The following FNDC3A variants were observed in gnomAD, a reference collection of about 807,000 sequenced individuals.
The protein encoded by FNDC3A is fibronectin type-III domain-containing protein 3A.
FNDC3A carries 32 observed loss-of-function variants against 148.9 expected under a neutral mutation model. That is an observed-to-expected ratio of 0.21 (90% CI 0.16 to 0.29). FNDC3A has a LOEUF of 0.29. FNDC3A is among the 10% of genes least tolerant of loss of function. FNDC3A has a pLI of 1.00. For missense variants in FNDC3A, 1,191 were observed against 1,452.8 expected, an observed-to-expected ratio of 0.82 and a Z score of 2.93; for synonymous variants, 472 against 473.6, an observed-to-expected ratio of 1.00 and a Z score of 0.04.
intron 8 of FNDC3A, among the ~76,000 whole-genome samples, chr13:49,149,797 C>T (rs1883185727): frequency 6.6e-6 from 1 of 152,150 alleles, no homozygotes; most frequent in Admixed American, 6.5e-5. Context: ...TAGAATTTGT[C>T]AGTGAAGCCA....
intron 3 of FNDC3A, among the ~76,000 whole-genome samples, chr13:49,098,040 C>G (rs971624525): frequency 4.6e-5 from 7 of 152,040 alleles, no homozygotes; most frequent in African/African-American, 1.7e-4. Context: ...AGCCTTTTTA[C>G]AGATAATTCA....
chr13:49,076,216 A>G (rs1298553046), intron 3 of FNDC3A, among the ~76,000 whole-genome samples: 2 of 152,018 alleles, frequency 1.3e-5, no homozygotes, highest in East Asian at 1.9e-4. Context: ...TACTAGCTAC[A>G]TGACCTTGTA....
At chr13:49,182,191 G>A (rs1207046741) in intron 14 of FNDC3A, among the ~76,000 whole-genome samples, 1 of 151,700 alleles carries the variant, frequency 6.6e-6, no homozygotes, top group East Asian at 1.9e-4. Flanking sequence ...AGTTTTGTAT[G>A]TTGCCCAGGA....
chr13:48,995,265 C>G (rs964091347), intron 1 of FNDC3A, among the ~76,000 whole-genome samples: 1 of 149,946 alleles, frequency 6.7e-6, no homozygotes, highest in East Asian at 1.9e-4. Flanking sequence ...TATCTGACTT[C>G]TAACAAAATA....
At chr13:49,164,201 G>A (rs1884325983) in intron 8 of FNDC3A, among the ~76,000 whole-genome samples, 2 of 152,120 alleles carry the variant, frequency 1.3e-5, no homozygotes, top group Admixed American at 6.6e-5. Context: ...TCAGCACTTT[G>A]AATACATCAT....
At chr13:49,184,869 C>T (rs570089632) in intron 14 of FNDC3A, among the ~76,000 whole-genome samples, 3 of 151,358 alleles carry the variant, frequency 2.0e-5, no homozygotes, top group South Asian at 2.1e-4. Flanking sequence ...TTCATTGTGG[C>T]ACCTAGATAA....
chr13:49,013,401 A>C (rs1368151364), intron 2 of FNDC3A, among the ~76,000 whole-genome samples: 1 of 151,882 alleles, frequency 6.6e-6, no homozygotes, highest in African/African-American at 2.4e-5. Flanking sequence ...TTATACTTTA[A>C]GTTTTAGGGT....
intron 2 of FNDC3A, among the ~76,000 whole-genome samples, chr13:49,072,605 A>G (rs1260469362): frequency 6.6e-6 from 1 of 151,890 alleles, no homozygotes; most frequent in East Asian, 1.9e-4. Flanking sequence ...TTTCTTTTTC[A>G]TATTGATTGT....
At chr13:49,064,159 G>A (rs1009248376) in intron 2 of FNDC3A, among the ~76,000 whole-genome samples, 8 of 152,082 alleles carry the variant, frequency 5.3e-5, no homozygotes, top group Non-Finnish European at 1.0e-4. Flanking sequence ...TGACAAACAT[G>A]GTGAAACCCC....
intron 1 of FNDC3A, among the ~76,000 whole-genome samples, chr13:48,987,000 G>A (rs1279242682): frequency 6.6e-6 from 1 of 152,180 alleles, no homozygotes; most frequent in Non-Finnish European, 1.5e-5. Context: ...AGTTACCAAT[G>A]TATTACTGTG....
At chr13:48,991,560 C>T (rs982324500) in intron 1 of FNDC3A, among the ~76,000 whole-genome samples, 3 of 151,856 alleles carry the variant, frequency 2.0e-5, no homozygotes, top group African/African-American at 4.8e-5. Context: ...TGGTGGCACA[C>T]GCCTGTAGAC....
intron 23 of FNDC3A, 86 bp downstream of exon 23, chr13:49,198,660 G>GCCACCACAC: frequency 2.8e-6 from 3 of 1,074,758 alleles, no homozygotes; most frequent in Non-Finnish European, 4.2e-6. Context: ...GGCCAGGTGT[G>GCCACCACAC]GTGGCTGACA....
At chr13:49,192,777 A>C (rs1885951080) in intron 19 of FNDC3A, among the ~76,000 whole-genome samples, 1 of 152,176 alleles carries the variant, frequency 6.6e-6, no homozygotes, top group Non-Finnish European at 1.5e-5. Flanking sequence ...CCTTAAGTAA[A>C]TATTTACTTT....
chr13:49,037,691 C>A (rs9568144), intron 2 of FNDC3A, among the ~76,000 whole-genome samples: 4 of 152,180 alleles, frequency 2.6e-5, no homozygotes, highest in Non-Finnish European at 4.4e-5. Context: ...GGCCTCACCC[C>A]CCTCACAGTA....
At chr13:49,099,526 T>TAAATAA (rs1879733688) in intron 3 of FNDC3A, among the ~76,000 whole-genome samples, 3 of 152,018 alleles carry the variant, frequency 2.0e-5, no homozygotes, top group Admixed American at 2.0e-4. Context: ...AATAAATAAA[T>TAAATAA]ATGAGGAAAT....
intron 2 of FNDC3A, among the ~76,000 whole-genome samples, chr13:49,068,312 T>G (rs1877405922): frequency 6.6e-6 from 1 of 152,034 alleles, no homozygotes; most frequent in Non-Finnish European, 1.5e-5. Context: ...TGCAGTGAAC[T>G]GTGATGGCAC....
intron 2 of FNDC3A, among the ~76,000 whole-genome samples, chr13:49,037,691 C>G (rs9568144): frequency 6.6e-6 from 1 of 152,298 alleles, no homozygotes; most frequent in East Asian, 1.9e-4. Context: ...GGCCTCACCC[C>G]CCTCACAGTA....
chr13:49,020,027 C>T (rs111381512), intron 2 of FNDC3A, among the ~76,000 whole-genome samples: 99 of 152,216 alleles, frequency 6.5e-4, no homozygotes, highest in African/African-American at 2.0e-3. Context: ...TTTGGAAGTA[C>T]ATTTTTATAA....
intron 3 of FNDC3A, among the ~76,000 whole-genome samples, chr13:49,081,231 A>G (rs910599021): frequency 6.6e-6 from 1 of 152,180 alleles, no homozygotes; most frequent in Non-Finnish European, 1.5e-5. Flanking sequence ...TTGCATTGTT[A>G]TGGCACTTCT....
Sources: gnomAD v4.1 joint callset for allele counts (sites outside exome capture counted in the v4.1 genomes callset) on GRCh38, gnomAD v4.1.1 for gene constraint, MANE v1.5 for transcripts, NCBI Gene and HGNC (gene_info 2026-07-23, HGNC 2026-07-21) for gene names.